Variants in CCL28 observed in about 807,000 individuals in gnomAD.
CCL28 encodes the protein C-C motif chemokine ligand 28, also known as C-C motif chemokine 28.
A neutral mutation model predicts 7.1 loss-of-function variants in CCL28; 4 were observed. The ratio of observed to expected loss-of-function variants is 0.56; its 90% CI spans 0.28 to 1.29. The LOEUF (loss-of-function observed/expected upper bound fraction) is 1.29. Among genes scored for constraint, CCL28 ranks in the 50% most tolerant of loss-of-function variants. The pLI is 0.11. For synonymous variants in CCL28, 55 were observed against 57.8 expected (o/e 0.95, Z 0.22); for missense variants, 151 against 163.4 (o/e 0.92, Z 0.41).
At chr5:43,359,197 C>T in the CCL28 span, among the ~76,000 whole-genome samples, 2 of 152,174 alleles carry the variant, frequency 1.3e-5, no homozygotes, top group African/African-American at 2.4e-5. Flanking sequence ...AAGAGAAAGA[C>T]ACAGAAATAT....
chr5:43,404,749 C>T (rs1312894612), intron 1 of CCL28, among the ~76,000 whole-genome samples: 6 of 152,104 alleles, frequency 3.9e-5, no homozygotes, highest in Non-Finnish European at 8.8e-5. Context: ...TCAGTGTGCG[C>T]TGCATTCAGG....
intron 1 of CCL28, among the ~76,000 whole-genome samples, chr5:43,401,534 C>G (rs1359189906): frequency 1.3e-5 from 2 of 152,188 alleles, no homozygotes; most frequent in Non-Finnish European, 2.9e-5. Context: ...TGAGTTAACT[C>G]TCTGTATCTC....
downstream of CCL28, among the ~76,000 whole-genome samples, chr5:43,377,724 T>TC: frequency 1.4e-5 from 1 of 71,472 alleles, no homozygotes; most frequent in East Asian, 3.1e-4. Flanking sequence ...AAACTTTTTT[T>TC]TTTTTTTTTT....
chr5:43,364,303 A>G, the CCL28 span, among the ~76,000 whole-genome samples: 11 of 151,458 alleles, frequency 7.3e-5, no homozygotes, highest in Non-Finnish European at 1.2e-4. Context: ...GCAAAACTAT[A>G]TATGTGTGTG....
chr5:43,389,872 G>A (rs1421076031), intron 1 of CCL28, among the ~76,000 whole-genome samples: 6 of 152,170 alleles, frequency 3.9e-5, no homozygotes, highest in Non-Finnish European at 8.8e-5. Context: ...GAGAGAACAT[G>A]GGAAGTTAGG....
intron 1 of CCL28, among the ~76,000 whole-genome samples, chr5:43,399,877 G>A (rs1579743770): frequency 6.8e-6 from 1 of 146,692 alleles, no homozygotes; most frequent in Non-Finnish European, 1.5e-5. Flanking sequence ...AGACCGTCTT[G>A]TTCTGTTGCC....
At chr5:43,378,102 G>GCCCGGCCA (rs1554024803), downstream of CCL28, among the ~76,000 whole-genome samples, 3 of 152,242 alleles carry the variant, frequency 2.0e-5, no homozygotes, top group African/African-American at 7.2e-5. Flanking sequence ...TAGCACTTTG[G>GCCCGGCCA]GAGGGTGAGA....
At chr5:43,393,386 ACT>A (rs1424350616) in intron 1 of CCL28, among the ~76,000 whole-genome samples, 2 of 146,758 alleles carry the variant, frequency 1.4e-5, no homozygotes, top group Non-Finnish European at 3.0e-5. Context: ...GCAGAGTATC[ACT>A]CTGTTGCCCA....
chr5:43,362,788 A>G, the CCL28 span, among the ~76,000 whole-genome samples: 1 of 152,194 alleles, frequency 6.6e-6, no homozygotes, highest in African/African-American at 2.4e-5. Flanking sequence ...ACACCTGAAA[A>G]GTAACTTGAG....
At chr5:43,370,041 C>A in the CCL28 span, among the ~76,000 whole-genome samples, 1 of 152,194 alleles carries the variant, frequency 6.6e-6, no homozygotes. Flanking sequence ...TTCCTGTCAT[C>A]CCCACAAAGT....
At chr5:43,403,247 G>A (rs1228848736) in intron 1 of CCL28, among the ~76,000 whole-genome samples, 2 of 152,192 alleles carry the variant, frequency 1.3e-5, no homozygotes, top group Admixed American at 1.3e-4. Flanking sequence ...TAGCCTAACT[G>A]GGAGACTCCT....
chr5:43,389,918 G>T (rs1421981500), intron 1 of CCL28, among the ~76,000 whole-genome samples: 2 of 152,164 alleles, frequency 1.3e-5, no homozygotes, highest in Admixed American at 6.5e-5. Context: ...TCCGAATAGG[G>T]CAACTGTAAA....
chr5:43,379,601 A>G lies in CCL28; in HGVS notation c.*2259T>C, dbSNP rs1740022529. The G allele has an allele frequency of 6.6e-6, 1 of 152,188 alleles. No individual in the cohort carries two copies. The highest frequency in any genetic ancestry group is 2.1e-4 in the South Asian group (1 of 4,828). 9.4% of individuals were successfully genotyped at this position (152,188 alleles called of 1,614,324 possible). ...GCCAGTTTTGGTGGCATTTTAACCTATGGAGACTCAGTGCCTCTGTGTGTC... is the reference window on the plus strand; with the variant it reads ...GCCAGTTTTGGTGGCATTTTAACCTGTGGAGACTCAGTGCCTCTGTGTGTC... On this transcript the variant is annotated 3_prime_UTR_variant, in exon 3 of 3. Coordinates refer to ENST00000361115, the MANE Select transcript of CCL28 (RefSeq NM_148672.3).
rs1245526302 is a variant in CCL28, at chr5:43,380,135, AAAC to A, written c.*1722_*1724del. On this transcript the variant is annotated 3_prime_UTR_variant, in exon 3 of 3. Coordinates refer to ENST00000361115, the MANE Select transcript of CCL28 (RefSeq NM_148672.3). ...GACTCTGTCTCAAAAAAAAACAACCAAACAACAACAAAAACGTGTGAGAAGGGT... is the reference window on the plus strand; with the variant it reads ...GACTCTGTCTCAAAAAAAAACAACCAAACAACAAAAACGTGTGAGAAGGGT... The A allele has an allele frequency of 6.6e-6, 1 of 152,134 alleles. No individual in the cohort carries two copies. The highest frequency in any genetic ancestry group is 1.5e-5 in the Non-Finnish European group (1 of 68,090). 9.4% of individuals were successfully genotyped at this position (152,134 alleles called of 1,614,324 possible).
chr5:43,398,496 C>A (rs1401290673), intron 1 of CCL28, among the ~76,000 whole-genome samples: 2 of 152,154 alleles, frequency 1.3e-5, no homozygotes, highest in Admixed American at 1.3e-4. Flanking sequence ...TAACACTTAC[C>A]CATTCCTTCC....
At chr5:43,372,572 T>C (rs574197640), downstream of CCL28, among the ~76,000 whole-genome samples, 378 of 152,198 alleles carry the variant, frequency 2.5e-3, 2 homozygotes, top group African/African-American at 8.9e-3. Flanking sequence ...TTTCTCCATG[T>C]TGGTCAGGCT....
intron 1 of CCL28, among the ~76,000 whole-genome samples, chr5:43,391,838 A>C (rs1330307448): frequency 6.6e-6 from 1 of 152,236 alleles, no homozygotes; most frequent in East Asian, 1.9e-4. Flanking sequence ...ATGGGTAATA[A>C]TATGCAGAAA....
rs1346348160 is a variant in CCL28 at position 43,412,271 on chromosome 5, C to A, written c.46G>T (p.Ala16Ser). The change falls in exon 1 of 3, where the codon GCC (alanine) becomes TCC (serine). Residue 16 changes from alanine (A) to serine (S), a missense_variant. Coordinates refer to ENST00000361115, the MANE Select transcript of CCL28 (RefSeq NM_148672.3). Reference sequence around the variant, plus strand: ...CACTCACCTTCTGAGGCATGTAGGGCCGCACAGACAGCCAAGGCCACGATG... The same window carrying A: ...CACTCACCTTCTGAGGCATGTAGGGACGCACAGACAGCCAAGGCCACGATG... ...LAIVALAVCA[A>S]LHASEAILPI... is the part of the protein sequence containing the mutation. 2 of 1,612,510 alleles carry A rather than the reference C, an allele frequency of 1.2e-6. No individual in the cohort carries two copies. Among genetic ancestry groups the A allele is most frequent in the African/African-American group, 1.3e-5 (1 of 74,940 alleles).
chr5:43,403,286 C>G (rs764039473), intron 1 of CCL28, among the ~76,000 whole-genome samples: 1 of 152,188 alleles, frequency 6.6e-6, no homozygotes, highest in Non-Finnish European at 1.5e-5. Flanking sequence ...ACACCTCATA[C>G]AGCCGGGTGA....
Sources: allele counts gnomAD v4.1 joint callset (sites outside exome capture counted in the v4.1 genomes callset), GRCh38; gene constraint gnomAD v4.1.1; transcripts MANE v1.5; gene names NCBI Gene and HGNC (gene_info 2026-07-23, HGNC 2026-07-21).